SYNE1: variants seen among roughly 807,000 people sequenced by gnomAD.
The protein encoded by SYNE1 is nesprin-1.
In SYNE1, 616 loss-of-function variants were observed where a neutral mutation model predicts 1,111.0. The observed-to-expected ratio is 0.55, with a 90% CI of 0.52 to 0.59. The LOEUF is 0.59. Among genes scored for constraint, SYNE1 ranks in the 20% least tolerant of loss-of-function variants. The probability of loss-of-function intolerance (pLI) is 0.00; values close to 1 mark genes in which losing one functional copy is unlikely to be tolerated. For missense variants in SYNE1, 10,006 were observed against 10,417.0 expected (o/e 0.96, Z 1.72); for synonymous variants, 3,855 against 3,825.8 (o/e 1.01, Z -0.28).
At chr6:152,345,770 A>G (rs1013310941) in intron 73 of SYNE1, among the ~76,000 whole-genome samples, 1 of 152,230 alleles carries the variant, frequency 6.6e-6, no homozygotes, top group African/African-American at 2.4e-5. Flanking sequence ...TAAAAATTCT[A>G]GAATAATAGA....
In SYNE1 at chr6:152,430,628, TAAC is replaced by T; in HGVS notation, c.4540_4542del (p.Val1514del). The T allele has an allele frequency of 6.2e-7, 1 of 1,614,112 alleles. No individual in the cohort carries two copies. Among genetic ancestry groups the T allele is most frequent in the East Asian group, 2.2e-5 (1 of 44,874 alleles). On this transcript the variant is annotated inframe_deletion, in exon 35 of 146. Coordinates refer to ENST00000367255, the MANE Select transcript of SYNE1 (RefSeq NM_182961.4). ...TTAATTCGAGCAGATTCTCCAGTGG[TAAC>T]AAACTGAGCAAAAGACTGGGCTTCT...
chr6:152,254,854 G>A (rs376850189), intron 104 of SYNE1, 26 bp downstream of exon 104: 29 of 1,596,144 alleles, frequency 1.8e-5, no homozygotes, highest in Admixed American at 1.2e-4. Flanking sequence ...GAATGGTCAC[G>A]TATCCTTTGA....
In SYNE1 at chr6:152,310,429, A is replaced by T; in HGVS notation, c.16986T>A (p.Arg5662=). The change falls in exon 89 of 146, where the codon CGT becomes CGA. Residue 5662 remains arginine, a synonymous_variant. Transcript: ENST00000367255. The part of the protein sequence containing the change: ...QATLTSPEVG[R]LSLKEQLSHR... ...GAGAGAGCTGCTCCTTGAGACTGAGACGTCCAACTTCTGGAGAAGTCAGTG... is the reference window on the plus strand; with the variant it reads ...GAGAGAGCTGCTCCTTGAGACTGAGTCGTCCAACTTCTGGAGAAGTCAGTG... 1.2e-6 allele frequency: 2 copies of T among 1,614,166 alleles called. No homozygotes were observed. The highest frequency in any genetic ancestry group is 1.7e-6 in the Non-Finnish European group (2 of 1,180,032).
At position 152,425,437 on chromosome 6, in the gene SYNE1, T is replaced by C. The variant is rs757495099; in HGVS notation, c.5211A>G (p.Leu1737=). 1.2e-6 allele frequency: 2 copies of C among 1,614,220 alleles called. No homozygotes were observed. The highest frequency in any genetic ancestry group is 4.5e-5 in the East Asian group (2 of 44,878). Residue 1737 remains leucine (L), a synonymous_variant, in exon 39 of 146, where the codon CTA becomes CTG. Transcript: ENST00000367255. ...ATCTCTCATCCAACTGCTCCAAATGTAGTTTCATCATTTTCACATCATCTT... is the reference window on the plus strand; with the variant it reads ...ATCTCTCATCCAACTGCTCCAAATGCAGTTTCATCATTTTCACATCATCTT... ...ASKDDVKMMK[L]HLEQLDERWR...
chr6:152,221,102 T>C (rs939782399), intron 118 of SYNE1, 56 bp from the exon 119 acceptor site: 5 of 1,523,190 alleles, frequency 3.3e-6, no homozygotes, highest in Non-Finnish European at 4.5e-6. Flanking sequence ...CAAATGTGGA[T>C]ATGTGCTATT....
intron 95 of SYNE1, among the ~76,000 whole-genome samples, chr6:152,286,830 G>T (rs531693682): frequency 6.6e-6 from 1 of 152,284 alleles, no homozygotes; most frequent in South Asian, 2.1e-4. Flanking sequence ...TTTTATCATG[G>T]TCTAATAGAA....
In SYNE1 at chr6:152,462,735, C is replaced by T. The variant is rs765242311; in HGVS notation, c.2250+3G>A. On this transcript the variant is annotated splice_donor_region_variant and intron_variant, in intron 20 of 145. Transcript: ENST00000367255. The stretch of plus-strand genomic sequence containing the variant: ...TTTTCATTTTGATTCAGAAACCCCT[C>T]ACCTCCAAGTCTTGAATTAATAGCT... The T allele has an allele frequency of 1.9e-6, 3 of 1,614,042 alleles. No individual in the cohort carries two copies. The highest frequency in any genetic ancestry group is 2.5e-6 in the Non-Finnish European group (3 of 1,179,940).
In SYNE1 at chr6:152,419,576, C is replaced by A. The variant is rs749200824; in HGVS notation, c.5414G>T (p.Arg1805Leu). 9.3e-6 allele frequency: 15 copies of A among 1,612,448 alleles called. No homozygotes were observed. In the African/African-American group the frequency reaches 2.0e-4, roughly 22 times the overall value. Reference sequence around the variant, plus strand: ...AAAAAAAAACCACTTTACCTTATGCCGAGTAAGGGCTACTTGATGGTCCAT... The same window carrying A: ...AAAAAAAAACCACTTTACCTTATGCAGAGTAAGGGCTACTTGATGGTCCAT... ...SIMDHQVALT[R>L]HKDHAAEVES... is the part of the protein sequence containing the mutation. Residue 1805 changes from arginine to leucine, a missense_variant, in exon 40 of 146, where the codon CGG becomes CTG. Coordinates refer to ENST00000367255, the MANE Select transcript of SYNE1 (RefSeq NM_182961.4).
Position 152,329,827 on chromosome 6 carries a change from G to A in SYNE1, c.14858C>T (p.Thr4953Ile), listed in dbSNP as rs764777515. Residue 4953 changes from threonine to isoleucine, a missense_variant, in exon 78 of 146, where the codon ACA becomes ATA. Physicochemically the swap from Thr to Ile is moderately conservative, Grantham distance 89 (BLOSUM62 -1). Coordinates refer to ENST00000367255, the MANE Select transcript of SYNE1 (RefSeq NM_182961.4). ...CGCAGAAATCAGCTCCTTGGCCTTT[G>A]TGAACTTCTCCTTTTCCTTGTGACT... ...ALSHKEKEKFTKAKELISADL... is the reference protein window; with the variant it reads ...ALSHKEKEKFIKAKELISADL... 3 of 1,614,046 alleles carry A rather than the reference G, an allele frequency of 1.9e-6. No individual in the cohort carries two copies. Among genetic ancestry groups the A allele is most frequent in the African/African-American group, 1.3e-5 (1 of 74,918 alleles).
intron 13 of SYNE1, among the ~76,000 whole-genome samples, chr6:152,484,038 C>CAAAAAAAAAAAAAAAAA (rs773019397): frequency 7.5e-4 from 40 of 53,496 alleles, no homozygotes; most frequent in Non-Finnish European, 1.3e-3. Context: ...CTCATCTCTA[C>CAAAAAAAAAAAAAAAAA]AAAAAAAAAA....
At chr6:152,505,791 A>G (rs1214919621) in intron 8 of SYNE1, among the ~76,000 whole-genome samples, 1 of 150,728 alleles carries the variant, frequency 6.6e-6, no homozygotes, top group East Asian at 2.0e-4. Context: ...ACCAAATTAT[A>G]AAGATGCCAA....
chr6:152,543,584 A>G (rs997405794), intron 3 of SYNE1, among the ~76,000 whole-genome samples: 9 of 152,188 alleles, frequency 5.9e-5, no homozygotes, highest in Non-Finnish European at 2.9e-5. Context: ...TTGACAGGGA[A>G]CAAAATGAAC....
intron 145 of SYNE1, chr6:152,125,376 T>C (rs1315954018): frequency 1.3e-6 from 2 of 1,542,448 alleles, no homozygotes; most frequent in East Asian, 4.9e-5. Flanking sequence ...CCTCACAGTA[T>C]CCTGCAGATC....
chr6:152,244,452 A>C (rs1588601205), intron 106 of SYNE1, 85 bp downstream of exon 106: 6 of 1,605,308 alleles, frequency 3.7e-6, no homozygotes, highest in Non-Finnish European at 4.3e-6. Context: ...TTTTATAAAG[A>C]AAGCCAAGAA....
chr6:152,184,623 T>TAC (rs1213796528), intron 128 of SYNE1, among the ~76,000 whole-genome samples: 11 of 142,304 alleles, frequency 7.7e-5, no homozygotes, highest in African/African-American at 2.9e-4. Context: ...AGCTGGATTA[T>TAC]ACACATATAT....
At chr6:152,292,634 GA>G (rs2094662020) in intron 95 of SYNE1, among the ~76,000 whole-genome samples, 1 of 152,160 alleles carries the variant, frequency 6.6e-6, no homozygotes, top group Non-Finnish European at 1.5e-5. Flanking sequence ...TCCAAAACTA[GA>G]AAGATGTAAA....
At chr6:152,527,930 G>T (rs973562429) in intron 4 of SYNE1, among the ~76,000 whole-genome samples, 1 of 152,014 alleles carries the variant, frequency 6.6e-6, no homozygotes, top group Non-Finnish European at 1.5e-5. Context: ...CATGCTGCAG[G>T]TGCTTTCCTT....
intron 3 of SYNE1, among the ~76,000 whole-genome samples, chr6:152,608,863 G>A (rs1380601678): frequency 6.6e-6 from 1 of 152,152 alleles, no homozygotes; most frequent in African/African-American, 2.4e-5. Flanking sequence ...AACCCAGAAG[G>A]CAGAGGTTGC....
At chr6:152,287,050 T>C (rs1376030426) in intron 95 of SYNE1, among the ~76,000 whole-genome samples, 1 of 152,242 alleles carries the variant, frequency 6.6e-6, no homozygotes, top group Non-Finnish European at 1.5e-5. Flanking sequence ...CTAAGAAACT[T>C]TTATAGTAAT....
Sources: gnomAD v4.1 joint callset for allele counts (sites outside exome capture counted in the v4.1 genomes callset) on GRCh38, gnomAD v4.1.1 for gene constraint, MANE v1.5 for transcripts, NCBI Gene and HGNC (gene_info 2026-07-23, HGNC 2026-07-21) for gene names.